The following MSH4 variants were observed in gnomAD, a reference collection of about 807,000 sequenced individuals.
The protein encoded by MSH4 is mutS protein homolog 4.
Under a neutral mutation model 113.7 loss-of-function variants are expected in MSH4, and 106 were observed. That is an observed-to-expected ratio of 0.93 (90% CI 0.80 to 1.10). The LOEUF is 1.10. MSH4 is among the 50% of genes least tolerant of loss of function. The pLI, the probability that MSH4 is intolerant of heterozygous loss-of-function variation, is 0.00. For synonymous variants in MSH4, 368 were observed against 380.2 expected (o/e 0.97, Z 0.37); for missense variants, 1,061 against 1,093.7 (o/e 0.97, Z 0.42).
At chr1:75,905,723 A>G (rs947995258) in intron 19 of MSH4, among the ~76,000 whole-genome samples, 2 of 152,024 alleles carry the variant, frequency 1.3e-5, no homozygotes, top group Admixed American at 6.6e-5. Context: ...ACATATTTGG[A>G]TGGTCCACTG....
chr1:75,798,912 G>C (rs1019215436), intron 1 of MSH4, among the ~76,000 whole-genome samples: 1 of 152,066 alleles, frequency 6.6e-6, no homozygotes, highest in Non-Finnish European at 1.5e-5. Context: ...TACCACCAGA[G>C]TTATGTGGAA....
rs1158639336 is a variant in MSH4, at chr1:75,913,073, A to G, written c.*186A>G. The G allele has an allele frequency of 1.6e-5, 5 of 317,838 alleles. No individual in the cohort carries two copies. The highest frequency in any genetic ancestry group is 2.2e-5 in the Non-Finnish European group (4 of 179,764). 19.7% of individuals were successfully genotyped at this position (317,838 alleles called of 1,614,324 possible). Reference sequence around the variant, plus strand: ...ATTTATTATAACTTAACAAATGAGAACTACTTAAAGGAATGGTTTTTATGT... The same window carrying G: ...ATTTATTATAACTTAACAAATGAGAGCTACTTAAAGGAATGGTTTTTATGT... On this transcript the variant is annotated 3_prime_UTR_variant, in exon 20 of 20. Transcript: ENST00000263187.
intron 14 of MSH4, 123 bp from the exon 15 acceptor site, chr1:75,883,498 A>T: frequency 1.4e-6 from 1 of 739,788 alleles, no homozygotes; most frequent in Non-Finnish European, 2.2e-6. Flanking sequence ...ATAGTACCTT[A>T]ATGTTATTAT....
At chr1:75,822,276 G>T in intron 6 of MSH4, 133 bp from the exon 7 acceptor site, 1 of 532,788 alleles carries the variant, frequency 1.9e-6, no homozygotes, top group Non-Finnish European at 3.0e-6. Flanking sequence ...GAGAGAGAGC[G>T]AGACTCTGTT....
intron 13 of MSH4, among the ~76,000 whole-genome samples, chr1:75,880,595 A>C (rs1444866888): frequency 1.3e-5 from 2 of 152,088 alleles, no homozygotes; most frequent in African/African-American, 4.8e-5. Context: ...TATTAGGCTG[A>C]AGTAATAAAG....
intron 17 of MSH4, among the ~76,000 whole-genome samples, chr1:75,892,042 T>C (rs1019850058): frequency 1.3e-5 from 2 of 152,228 alleles, no homozygotes; most frequent in South Asian, 2.1e-4. Flanking sequence ...TTAGAATTGG[T>C]AAACTGAGTA....
intron 19 of MSH4, among the ~76,000 whole-genome samples, chr1:75,904,109 T>G (rs1652568194): frequency 6.6e-6 from 1 of 152,206 alleles, no homozygotes; most frequent in Admixed American, 6.5e-5. Flanking sequence ...TTTTTCGGCA[T>G]CTATTGAAAA....
In MSH4 at chr1:75,797,053, C is replaced by T. The variant is rs756545028; in HGVS notation, c.68C>T (p.Thr23Ile). ...GCGGTTTCCCCGTCGTCGGGAGAAA[C>T]CCGCTCACCTCAGGGTCCCCGCTAC... ...APAVSPSSGE[T>I]RSPQGPRYNF... Residue 23 changes from threonine to isoleucine, a missense_variant, in exon 1 of 20, where the codon ACC (threonine) becomes ATC (isoleucine). Coordinates refer to ENST00000263187, the MANE Select transcript of MSH4 (RefSeq NM_002440.4). The T allele has an allele frequency of 6.2e-7, 1 of 1,614,082 alleles. No individual in the cohort carries two copies.
chr1:75,818,182 A>G (rs781464711), intron 6 of MSH4, among the ~76,000 whole-genome samples: 2 of 152,220 alleles, frequency 1.3e-5, no homozygotes, highest in Non-Finnish European at 2.9e-5. Flanking sequence ...CTTTTAATCC[A>G]GAAATCAGAT....
chr1:75,878,350 G>GTTTT, intron 11 of MSH4, 32 bp downstream of exon 11: 1 of 1,515,450 alleles, frequency 6.6e-7, no homozygotes, highest in Non-Finnish European at 8.9e-7. Context: ...GTTTTTTGTA[G>GTTTT]GGATAAAACA....
intron 2 of MSH4, among the ~76,000 whole-genome samples, chr1:75,804,623 G>T (rs1219281302): frequency 6.8e-6 from 1 of 147,590 alleles, no homozygotes; most frequent in Non-Finnish European, 1.5e-5. Context: ...TGATTCTTCT[G>T]CCTCAGCCTC....
At chr1:75,846,858 G>A (rs1169216589) in intron 7 of MSH4, among the ~76,000 whole-genome samples, 23 of 151,964 alleles carry the variant, frequency 1.5e-4, no homozygotes, top group Admixed American at 1.5e-3. Flanking sequence ...ACATTTTCAG[G>A]TATTTGTTAT....
chr1:75,858,411 A>G (rs1651369585), intron 8 of MSH4, among the ~76,000 whole-genome samples: 1 of 152,224 alleles, frequency 6.6e-6, no homozygotes, highest in South Asian at 2.1e-4. Context: ...TTTGTCATTA[A>G]TAGCTCTTAT....
intron 15 of MSH4, among the ~76,000 whole-genome samples, chr1:75,884,730 G>A (rs970560244): frequency 6.6e-6 from 1 of 151,882 alleles, no homozygotes; most frequent in African/African-American, 2.4e-5. Context: ...GAATTGTAAG[G>A]AGAACAAAGC....
intron 6 of MSH4, among the ~76,000 whole-genome samples, chr1:75,822,045 G>T (rs1650427481): frequency 6.6e-6 from 1 of 152,080 alleles, no homozygotes; most frequent in Admixed American, 6.5e-5. Context: ...ACTTTGGGAG[G>T]CCAAGGCAGG....
chr1:75,885,515 C>T (rs2100576755), intron 15 of MSH4, among the ~76,000 whole-genome samples: 1 of 118,998 alleles, frequency 8.4e-6, no homozygotes, highest in East Asian at 2.3e-4. Flanking sequence ...TACATATAAC[C>T]TTCACATTTA....
Position 75,885,029 on chromosome 1 carries a change from ATGTGTG to A in MSH4, c.2107+1234_2107+1239del, listed in dbSNP as rs1176556889. ...TGTGTGTATGTGTGTATATATATATATGTGTGTGTGTGTGTGTGTGTGTGTGTGTGT... is the reference window on the plus strand; with the variant it reads ...TGTGTGTATGTGTGTATATATATATATGTGTGTGTGTGTGTGTGTGTGTGT... On this transcript the variant is annotated intron_variant, in intron 15 of 19. Coordinates refer to ENST00000263187, the MANE Select transcript of MSH4 (RefSeq NM_002440.4). Among the ~76,000 whole-genome samples the A allele has an allele frequency of 2.4e-4, 29 of 122,336 alleles. 2 individuals are homozygous for A. The highest frequency in any genetic ancestry group is 8.1e-4 in the African/African-American group (24 of 29,798). 80.3% of individuals were successfully genotyped at this position (122,336 alleles called of 152,430 possible). A position where few individuals can be genotyped will look rare whatever the true frequency, so the allele number is the denominator to read the frequency against.
chr1:75,904,930 T>TCATAA (rs1652589207), intron 19 of MSH4, among the ~76,000 whole-genome samples: 2 of 152,096 alleles, frequency 1.3e-5, no homozygotes, highest in African/African-American at 4.8e-5. Context: ...TTCTGTGGTA[T>TCATAA]CAATTGTTAT....
chr1:75,847,603 G>T (rs1463581655), intron 7 of MSH4, among the ~76,000 whole-genome samples: 2 of 152,158 alleles, frequency 1.3e-5, no homozygotes, highest in Non-Finnish European at 2.9e-5. Flanking sequence ...CCAGTGACTG[G>T]AAAGTCCAAG....
Sources: gnomAD v4.1 joint callset for allele counts (sites outside exome capture counted in the v4.1 genomes callset) on GRCh38, gnomAD v4.1.1 for gene constraint, MANE v1.5 for transcripts, NCBI Gene and HGNC (gene_info 2026-07-23, HGNC 2026-07-21) for gene names.